Variants in SHROOM4 observed in about 807,000 individuals in gnomAD.
SHROOM4 encodes protein Shroom4.
In SHROOM4, 17 loss-of-function variants were observed where a neutral mutation model predicts 80.3. The ratio of observed to expected loss-of-function variants is 0.21; its 90% confidence interval spans 0.14 to 0.32. The LOEUF is 0.32. SHROOM4 is among the 10% of genes least tolerant of loss of function. The pLI, the probability that SHROOM4 is intolerant of heterozygous loss-of-function variation, is 1.00. For missense variants in SHROOM4, 993 were observed against 1,140.3 expected, an observed-to-expected ratio of 0.87 and a Z score of 1.86; for synonymous variants, 400 against 437.5, an observed-to-expected ratio of 0.91 and a Z score of 1.07.
intron 5 of SHROOM4, among the ~76,000 whole-genome samples, chrX:50,616,347 C>T (rs190712848): frequency 1.3e-3 from 146 of 111,613 alleles, no homozygotes; most frequent in Admixed American, 3.2e-3. Flanking sequence ...TTTCAACCAC[C>T]TACCCTTTTT....
intron 1 of SHROOM4, among the ~76,000 whole-genome samples, chrX:50,757,367 A>G (rs781996355): frequency 8.9e-6 from 1 of 112,399 alleles, no homozygotes; most frequent in African/African-American, 3.2e-5. Context: ...TTAAGCCAGT[A>G]GCACACTGAC....
chrX:50,695,946 C>T lies in SHROOM4; in HGVS notation c.118-9G>A. On this transcript the variant is annotated splice_polypyrimidine_tract_variant and intron_variant, in intron 1 of 8. Coordinates refer to ENST00000376020, the MANE Select transcript of SHROOM4 (RefSeq NM_020717.5). Reference sequence around the variant, plus strand: ...TTGCCTCCATCTTCAATCTGTGTTGCAGAGAACAAAACAGAAAGCAGGTAG... The same window carrying T: ...TTGCCTCCATCTTCAATCTGTGTTGTAGAGAACAAAACAGAAAGCAGGTAG... 1.7e-6 allele frequency: 2 copies of T among 1,211,255 alleles called. No individual in the cohort carries two copies. The highest frequency in any genetic ancestry group is 2.2e-6 in the Non-Finnish European group (2 of 895,097).
At chrX:50,625,617 T>C (rs1930767102) in intron 5 of SHROOM4, among the ~76,000 whole-genome samples, 1 of 111,376 alleles carries the variant, frequency 9.0e-6, no homozygotes, top group African/African-American at 3.3e-5. Context: ...ATATCACACC[T>C]ATTTATCTAT....
At chrX:50,724,438 T>G (rs1159402928) in intron 1 of SHROOM4, among the ~76,000 whole-genome samples, 2 of 111,488 alleles carry the variant, frequency 1.8e-5, no homozygotes, top group African/African-American at 3.3e-5. Context: ...AGTAGAAAAC[T>G]AATATAAATT....
chrX:50,598,364 G>A lies in SHROOM4; in HGVS notation c.4114C>T (p.Leu1372=), dbSNP rs782257793. The A allele has an allele frequency of 3.3e-6, 4 of 1,209,001 alleles. No individual in the cohort carries two copies. Among genetic ancestry groups the A allele is most frequent in the Non-Finnish European group, 4.5e-6 (4 of 895,042 alleles). ...AGCAACAGGTTGACCACTTTGTCCA[G>A]GTCCCCAACAAACAAGTGGTACTTT... ...FEKYHLFVGD[L]DKVVNLLLSL... is the part of the protein sequence containing the mutation. The change falls in exon 8 of 9, where the codon CTG becomes TTG. Residue 1372 remains leucine (L), a synonymous_variant. Transcript: ENST00000376020.
intron 2 of SHROOM4, among the ~76,000 whole-genome samples, chrX:50,644,425 G>C (rs1437535050): frequency 8.9e-6 from 1 of 112,054 alleles, no homozygotes; most frequent in African/African-American, 3.2e-5. Context: ...GCCCCAGGCT[G>C]AGGTTCCAAA....
At chrX:50,774,983 T>C (rs1374545667) in intron 1 of SHROOM4, among the ~76,000 whole-genome samples, 2 of 112,137 alleles carry the variant, frequency 1.8e-5, no homozygotes, top group African/African-American at 3.2e-5. Context: ...ATTCCTTAAA[T>C]TGACACTCAT....
chrX:50,640,092 C>T (rs1230531148), intron 2 of SHROOM4, among the ~76,000 whole-genome samples: 2 of 111,873 alleles, frequency 1.8e-5, no homozygotes, highest in East Asian at 5.6e-4. Context: ...CGGGAAATCT[C>T]TCCAGCTGCT....
chrX:50,658,213 T>G lies in SHROOM4; in HGVS notation c.270-19905A>C, dbSNP rs913606851. On this transcript the variant is annotated intron_variant, in intron 2 of 8. Transcript: ENST00000376020. The stretch of plus-strand genomic sequence containing the variant: ...TTTCTGTTCCTTATAAATTACCCAC[T>G]CTAAGGTATTTTGTTGTGGTAGCAT... Among the ~76,000 whole-genome samples the G allele has an allele frequency of 3.6e-5, 4 of 111,627 alleles. No individual in the cohort carries two copies. The East Asian group carries it at 1.1e-3, about 32-fold the overall frequency.
chrX:50,632,690 A>T (rs1931121173), intron 4 of SHROOM4, among the ~76,000 whole-genome samples: 1 of 112,327 alleles, frequency 8.9e-6, no homozygotes. Flanking sequence ...ATGGGAGGCA[A>T]TAAGTGATAT....
chrX:50,627,627 T>C lies in SHROOM4; in HGVS notation c.2944A>G (p.Ser982Gly). 8.3e-7 allele frequency: 1 copy of C among 1,211,038 alleles called. No homozygotes were observed. The highest frequency in any genetic ancestry group is 2.2e-5 in the Admixed American group (1 of 46,050). Residue 982 changes from serine to glycine, a missense_variant, in exon 5 of 9, where the codon AGC becomes GGC. Coordinates refer to ENST00000376020, the MANE Select transcript of SHROOM4 (RefSeq NM_020717.5). ...GCGCTCACTTACCTCCCTGACTGGCTGGTCTTCCTGTTTCCTGTTATTGGA... is the reference window on the plus strand; with the variant it reads ...GCGCTCACTTACCTCCCTGACTGGCCGGTCTTCCTGTTTCCTGTTATTGGA... ...WNPITGNRKT[S>G]QSGREMAHSK... is the part of the protein sequence containing the mutation.
At chrX:50,614,781 A>G (rs1224016126) in intron 5 of SHROOM4, among the ~76,000 whole-genome samples, 1 of 112,436 alleles carries the variant, frequency 8.9e-6, no homozygotes, top group Admixed American at 9.4e-5. Context: ...TATTCACTGT[A>G]GATTTGTATG....
chrX:50,634,459 C>T lies in SHROOM4; in HGVS notation c.1614G>A (p.Thr538=), dbSNP rs199554817. Reference sequence around the variant, plus strand: ...CTGCTTTAGTGGTTGAAGAACAGTCCGTGGCTTGTTGAACAAGGGAGCCAG... The same window carrying T: ...CTGCTTTAGTGGTTGAAGAACAGTCTGTGGCTTGTTGAACAAGGGAGCCAG... ...SASGSLVQQA[T]DCSSTTKAAS... The change falls in exon 4 of 9, where the codon ACG becomes ACA. Residue 538 remains threonine (T), a synonymous_variant. Transcript: ENST00000376020. The T allele has an allele frequency of 4.1e-5, 49 of 1,209,622 alleles. No homozygotes were observed. The Admixed American group carries it at 4.8e-4, about 12-fold the overall frequency.
chrX:50,799,666 T>C (rs1936079699), intron 1 of SHROOM4, among the ~76,000 whole-genome samples: 1 of 111,966 alleles, frequency 8.9e-6, no homozygotes, highest in Non-Finnish European at 1.9e-5. Context: ...ATGTCAGAGC[T>C]TGCTTAAGAA....
chrX:50,608,110 T>C lies in SHROOM4; in HGVS notation c.3032A>G (p.Asp1011Gly). ...AGAAATTGCTCGGTAGCTTGACAAG[T>C]CCAGTGCTGGGTTCTCAAGGCAAGG... ...FHPCLENPAL[D>G]LSSYRAISSL... is the part of the protein sequence containing the mutation. Residue 1011 changes from aspartate to glycine, a missense_variant, in exon 6 of 9, where the codon GAC (aspartate) becomes GGC (glycine). By Grantham distance (94) the Asp-to-Gly change is moderately conservative. Coordinates refer to ENST00000376020, the MANE Select transcript of SHROOM4 (RefSeq NM_020717.5). 1.7e-6 allele frequency: 2 copies of C among 1,211,568 alleles called. No homozygotes were observed. The highest frequency in any genetic ancestry group is 2.2e-6 in the Non-Finnish European group (2 of 895,456).
intron 2 of SHROOM4, among the ~76,000 whole-genome samples, 164 bp from the exon 3 acceptor site, chrX:50,638,472 T>A (rs964688528): frequency 2.7e-5 from 3 of 112,306 alleles, no homozygotes; most frequent in Non-Finnish European, 5.6e-5. Context: ...AGTTCTCAAG[T>A]CTCCTTCATT....
intron 1 of SHROOM4, among the ~76,000 whole-genome samples, chrX:50,794,961 C>CAT (rs199903048): frequency 3.1e-4 from 28 of 90,706 alleles, no homozygotes; most frequent in African/African-American, 5.4e-4. Flanking sequence ...TAGGTGTGTG[C>CAT]ATATATATAT....
chrX:50,713,588 T>C (rs1315693918), intron 1 of SHROOM4, among the ~76,000 whole-genome samples: 3 of 111,447 alleles, frequency 2.7e-5, no homozygotes, highest in African/African-American at 6.5e-5. Flanking sequence ...TAAGCCATGA[T>C]TGCACCACTG....
chrX:50,784,927 T>G (rs1935708980), intron 1 of SHROOM4, among the ~76,000 whole-genome samples: 1 of 111,772 alleles, frequency 8.9e-6, no homozygotes, highest in South Asian at 3.7e-4. Flanking sequence ...AATATTAGTA[T>G]TACAAGCAAT....
Sources: allele counts gnomAD v4.1 joint callset (sites outside exome capture counted in the v4.1 genomes callset), GRCh38; gene constraint gnomAD v4.1.1; transcripts MANE v1.5; gene names NCBI Gene and HGNC (gene_info 2026-07-23, HGNC 2026-07-21).